Variants in ZNF407 observed in about 807,000 individuals in gnomAD.
ZNF407 encodes zinc finger protein 407.
ZNF407 carries 17 observed loss-of-function variants against 131.2 expected under a neutral mutation model. That is an observed-to-expected ratio of 0.13 (90% CI 0.09 to 0.19). The LOEUF (loss-of-function observed/expected upper bound fraction) is 0.19. ZNF407 is among the 10% of genes least tolerant of loss of function. The probability of loss-of-function intolerance (pLI) is 1.00; values close to 1 mark genes in which losing one functional copy is unlikely to be tolerated. For synonymous variants in ZNF407, 1,156 were observed against 1,062.0 expected (o/e 1.09, Z -1.72); for missense variants, 2,681 against 2,830.6 (o/e 0.95, Z 1.20).
At position 74,634,813 on chromosome 18, in the gene ZNF407, T is replaced by G; in HGVS notation, c.3794T>G (p.Leu1265Arg). 1 of 1,614,012 alleles carries G rather than the reference T, an allele frequency of 6.2e-7. No individual in the cohort carries two copies. The highest frequency in any genetic ancestry group is 8.5e-7 in the Non-Finnish European group (1 of 1,179,894). ...GAGCGCTCGGCTGAAAGCCCTGTGC[T>G]CGTTGTGACAAGAATAACCAGAGAA... ...DGERSAESPV[L>R]VVTRITREQG... The change falls in exon 2 of 9, where the codon CTC becomes CGC. Residue 1265 changes from leucine (L) to arginine (R), a missense_variant. Transcript: ENST00000299687.
At chr18:75,050,300 G>A (rs964954879) in intron 8 of ZNF407, among the ~76,000 whole-genome samples, 2 of 152,106 alleles carry the variant, frequency 1.3e-5, no homozygotes, top group South Asian at 4.1e-4. Context: ...AAGAAAATAA[G>A]TATTATGTTA....
intron 4 of ZNF407, among the ~76,000 whole-genome samples, chr18:74,835,216 C>T (rs1162453765): frequency 1.3e-5 from 2 of 152,182 alleles, no homozygotes; most frequent in Non-Finnish European, 2.9e-5. Flanking sequence ...TGCATCAAGG[C>T]GGACATCTGA....
At chr18:74,880,006 A>G (rs1256913495) in intron 5 of ZNF407, among the ~76,000 whole-genome samples, 3 of 152,242 alleles carry the variant, frequency 2.0e-5, no homozygotes, top group African/African-American at 7.2e-5. Flanking sequence ...CTCTGGCCAA[A>G]CTCTTGAAAG....
intron 3 of ZNF407, among the ~76,000 whole-genome samples, chr18:74,776,570 T>A (rs1969476207): frequency 6.6e-6 from 1 of 152,156 alleles, no homozygotes; most frequent in Non-Finnish European, 1.5e-5. Context: ...TATCCAAACT[T>A]ATTTGAAAAT....
At chr18:74,910,450 A>AT (rs1199706154) in intron 7 of ZNF407, among the ~76,000 whole-genome samples, 3 of 152,026 alleles carry the variant, frequency 2.0e-5, no homozygotes, top group South Asian at 2.1e-4. Flanking sequence ...ATTAAGGTTA[A>AT]TTTTATATTG....
At chr18:74,779,242 A>T (rs1259168414) in intron 3 of ZNF407, among the ~76,000 whole-genome samples, 1 of 147,952 alleles carries the variant, frequency 6.8e-6, no homozygotes, top group Non-Finnish European at 1.5e-5. Flanking sequence ...CAACCTCCCC[A>T]GCAGCTGGGA....
At chr18:74,978,607 A>G (rs1972553964) in intron 8 of ZNF407, among the ~76,000 whole-genome samples, 1 of 151,782 alleles carries the variant, frequency 6.6e-6, no homozygotes, top group Non-Finnish European at 1.5e-5. Context: ...TTGGATGATG[A>G]GGCTCTTTAG....
In ZNF407 at chr18:74,803,850, G is replaced by A. The variant is rs1366928382; in HGVS notation, c.4877+22348G>A. On this transcript the variant is annotated intron_variant, in intron 4 of 8. Transcript: ENST00000299687. ...TTTATCAATATTAATACTTTCTGGA[G>A]CATGGTTTCAAAAAGGTCAGGAATG... is the stretch of plus-strand genomic sequence containing the variant. 22 of 1,085,108 alleles carry A rather than the reference G, an allele frequency of 2.0e-5. 1 individual carries two copies. Among genetic ancestry groups the A allele is most frequent in the African/African-American group, 1.6e-5 (1 of 63,262 alleles). The allele number at this position is 1,085,108 out of a possible 1,614,324, so 67.2% of individuals were successfully genotyped here.
intron 4 of ZNF407, among the ~76,000 whole-genome samples, chr18:74,871,866 C>CT (rs34246690): frequency 0.35 from 50,919 of 145,446 alleles, 8,978 homozygotes; most frequent in South Asian, 0.43. Flanking sequence ...TTCTTTCTTT[C>CT]TTTTTTTTTT....
chr18:74,699,501 T>G (rs748945370), intron 3 of ZNF407, among the ~76,000 whole-genome samples: 31 of 152,156 alleles, frequency 2.0e-4, no homozygotes, highest in Non-Finnish European at 3.8e-4. Flanking sequence ...TTAGACAGTT[T>G]TGAGACTTTA....
intron 3 of ZNF407, among the ~76,000 whole-genome samples, chr18:74,653,838 AATG>A (rs1985333280): frequency 1.3e-5 from 2 of 151,814 alleles, no homozygotes; most frequent in African/African-American, 4.8e-5. Context: ...TTTGAAATAA[AATG>A]ATGATTTTAG....
chr18:74,759,989 T>A (rs1230261088), intron 3 of ZNF407, among the ~76,000 whole-genome samples: 1 of 151,598 alleles, frequency 6.6e-6, no homozygotes, highest in Non-Finnish European at 1.5e-5. Flanking sequence ...TATAAATATA[T>A]ATATATATGT....
intron 4 of ZNF407, among the ~76,000 whole-genome samples, chr18:74,798,209 A>ACACACACACACAC (rs1969956783): frequency 3.4e-5 from 5 of 147,836 alleles, no homozygotes; most frequent in Non-Finnish European, 6.0e-5. Context: ...CCTTTACACA[A>ACACACACACACAC]ACACACACAC....
At chr18:74,864,692 G>A (rs906271742) in intron 4 of ZNF407, among the ~76,000 whole-genome samples, 1 of 152,124 alleles carries the variant, frequency 6.6e-6, no homozygotes, top group African/African-American at 2.4e-5. Context: ...GAATTATTTA[G>A]GGAGTGTGTG....
intron 4 of ZNF407, among the ~76,000 whole-genome samples, chr18:74,807,398 C>A (rs748221118): frequency 6.6e-6 from 1 of 152,002 alleles, no homozygotes. Flanking sequence ...AGGTAGTCTT[C>A]GTTGTGCATG....
chr18:74,640,754 C>T (rs1470079467), intron 2 of ZNF407, among the ~76,000 whole-genome samples: 3 of 152,080 alleles, frequency 2.0e-5, no homozygotes, highest in Admixed American at 2.0e-4. Flanking sequence ...TAGTACTGCT[C>T]AGCAGTCTCA....
intron 4 of ZNF407, among the ~76,000 whole-genome samples, chr18:74,814,866 A>G (rs931009145): frequency 6.6e-6 from 1 of 152,190 alleles, no homozygotes; most frequent in African/African-American, 2.4e-5. Flanking sequence ...CCCTTAATGA[A>G]TTTGTTATGC....
chr18:74,763,218 T>C, intron 3 of ZNF407, among the ~76,000 whole-genome samples: 1 of 143,300 alleles, frequency 7.0e-6, no homozygotes, highest in African/African-American at 2.7e-5. Context: ...TTTTTTTTTT[T>C]TTTTTGCCAT....
chr18:74,719,386 CTTA>C (rs1967972508), intron 3 of ZNF407, among the ~76,000 whole-genome samples: 1 of 9,410 alleles, frequency 1.1e-4, no homozygotes, highest in Admixed American at 2.1e-3. Flanking sequence ...TACTTGCTTG[CTTA>C]CTTACTTACT....
Sources: gnomAD v4.1 joint callset for allele counts (sites outside exome capture counted in the v4.1 genomes callset) on GRCh38, gnomAD v4.1.1 for gene constraint, MANE v1.5 for transcripts, NCBI Gene and HGNC (gene_info 2026-07-23, HGNC 2026-07-21) for gene names.